MTMR14: variants seen among roughly 807,000 people sequenced by gnomAD.
The protein encoded by MTMR14 is myotubularin related protein 14.
In MTMR14, 48 loss-of-function variants were observed where a neutral mutation model predicts 86.3. The observed-to-expected ratio is 0.56, with a 90% CI of 0.44 to 0.71. The LOEUF (loss-of-function observed/expected upper bound fraction) is 0.71, where lower values mean the gene tolerates loss of function less well. Ranked by LOEUF, MTMR14 falls within the 30% of genes least tolerant of loss-of-function variation. The pLI is 0.00. For missense variants in MTMR14, 780 were observed against 834.6 expected, an observed-to-expected ratio of 0.93 and a Z score of 0.81; for synonymous variants, 366 against 326.1, an observed-to-expected ratio of 1.12 and a Z score of -1.32.
At chr3:9,671,887 C>T (rs2048583889) in intron 6 of MTMR14, among the ~76,000 whole-genome samples, 1 of 152,100 alleles carries the variant, frequency 6.6e-6, no homozygotes, top group Non-Finnish European at 1.5e-5. Flanking sequence ...GAAAATAAGG[C>T]ATACTGAGGC....
chr3:9,655,774 A>G (rs1204505116), intron 2 of MTMR14, among the ~76,000 whole-genome samples: 1 of 151,772 alleles, frequency 6.6e-6, no homozygotes, highest in Non-Finnish European at 1.5e-5. Flanking sequence ...TGATGTCTTA[A>G]ATACACTATA....
At chr3:9,673,131 T>G (rs371521782) in intron 7 of MTMR14, among the ~76,000 whole-genome samples, 296 of 152,352 alleles carry the variant, frequency 1.9e-3, no homozygotes, top group African/African-American at 6.8e-3. Flanking sequence ...ATGACATTAT[T>G]AGTACTCTGT....
At chr3:9,663,825 T>TGTTGCCAGGCTGGAGTGCAA (rs1339359410) in intron 3 of MTMR14, among the ~76,000 whole-genome samples, 1 of 145,210 alleles carries the variant, frequency 6.9e-6, no homozygotes, top group Non-Finnish European at 1.5e-5. Flanking sequence ...GAGTCTCTTC[T>TGTTGCCAGGCTGGAGTGCAA]GTTGCCAGGC....
chr3:9,697,675 C>G, intron 17 of MTMR14, 36 bp from the exon 18 acceptor site: 1 of 1,606,852 alleles, frequency 6.2e-7, no homozygotes, highest in Non-Finnish European at 8.5e-7. Flanking sequence ...ATATGACTGA[C>G]TGCATCCTCT....
chr3:9,689,936 G>C, intron 16 of MTMR14, 28 bp from the exon 17 acceptor site: 8 of 1,598,068 alleles, frequency 5.0e-6, no homozygotes, highest in Non-Finnish European at 6.8e-6. Flanking sequence ...GTGGCCCCCG[G>C]CTCACAGCCC....
chr3:9,653,534 C>T lies in MTMR14; in HGVS notation c.160-87C>T, dbSNP rs1034793352. On this transcript the variant is annotated intron_variant, in intron 1 of 18. Coordinates refer to ENST00000296003, the MANE Select transcript of MTMR14 (RefSeq NM_001077525.3). ...TTATCACCCAGGTACATGTCTTTCCCAGTGACCTCTTAGGCCATGGACCTC... is the reference window on the plus strand; with the variant it reads ...TTATCACCCAGGTACATGTCTTTCCTAGTGACCTCTTAGGCCATGGACCTC... 7 of 1,550,990 alleles carry T rather than the reference C, an allele frequency of 4.5e-6. No homozygotes were observed. In the East Asian group the frequency reaches 1.6e-4, roughly 35 times the overall value.
At chr3:9,688,635 C>T (rs2076038698) in intron 14 of MTMR14, 61 bp from the exon 15 acceptor site, 5 of 1,590,526 alleles carry the variant, frequency 3.1e-6, no homozygotes, top group Non-Finnish European at 4.3e-6. Context: ...GGATTGGGAA[C>T]GGGGGACACA....
In MTMR14 at chr3:9,677,903, C is replaced by T; in HGVS notation, c.823-81C>T. 1 of 1,295,772 alleles carries T rather than the reference C, an allele frequency of 7.7e-7. No individual in the cohort carries two copies. The highest frequency in any genetic ancestry group is 1.1e-6 in the Non-Finnish European group (1 of 905,210). 80.3% of individuals were successfully genotyped at this position (1,295,772 alleles called of 1,614,324 possible). A position where few individuals can be genotyped will look rare whatever the true frequency, so the allele number is the denominator to read the frequency against. Reference sequence around the variant, plus strand: ...CAAGCACTGCCTGTGGTAGTCACAGCCTCAGGACTGCAAGCTTCCCCATCA... The same window carrying T: ...CAAGCACTGCCTGTGGTAGTCACAGTCTCAGGACTGCAAGCTTCCCCATCA... On this transcript the variant is annotated intron_variant, in intron 8 of 18. Transcript: ENST00000296003. The surrounding 1 kb of genome is among the most constrained non-coding windows in gnomAD (Gnocchi z 4.2).
chr3:9,656,652 C>T (rs1397802629), intron 2 of MTMR14, among the ~76,000 whole-genome samples: 1 of 152,152 alleles, frequency 6.6e-6, no homozygotes, highest in African/African-American at 2.4e-5. Context: ...CTCCTGGGCT[C>T]AAACAATCCG....
intron 9 of MTMR14, among the ~76,000 whole-genome samples, chr3:9,678,516 C>T (rs987929281): frequency 1.3e-5 from 2 of 152,238 alleles, no homozygotes; most frequent in African/African-American, 2.4e-5. Flanking sequence ...TTACTGGAAA[C>T]ATCTCTCTAC....
intron 17 of MTMR14, among the ~76,000 whole-genome samples, chr3:9,692,179 G>A (rs190237231): frequency 3.3e-5 from 5 of 152,304 alleles, no homozygotes; most frequent in Non-Finnish European, 5.9e-5. Context: ...TTTTAGTGAA[G>A]CTGTCTGTGA....
chr3:9,689,190 A>T (rs778841052), intron 16 of MTMR14, 108 bp downstream of exon 16: 18 of 1,496,226 alleles, frequency 1.2e-5, no homozygotes, highest in Non-Finnish European at 1.4e-5. Flanking sequence ...CCAAGAGAAG[A>T]GCTGAGAGGA....
intron 17 of MTMR14, among the ~76,000 whole-genome samples, chr3:9,692,571 C>T (rs1310257869): frequency 6.6e-6 from 1 of 152,230 alleles, no homozygotes; most frequent in Non-Finnish European, 1.5e-5. Flanking sequence ...GGTCGCTCCA[C>T]CTTGCATGGC....
intron 7 of MTMR14, among the ~76,000 whole-genome samples, chr3:9,675,860 G>A (rs1340641403): frequency 6.6e-6 from 1 of 152,126 alleles, no homozygotes; most frequent in African/African-American, 2.4e-5. Context: ...TCTAAACCTG[G>A]GCTCATAACT....
intron 1 of MTMR14, among the ~76,000 whole-genome samples, chr3:9,652,396 G>C (rs539499935): frequency 1.2e-4 from 18 of 152,336 alleles, no homozygotes; most frequent in Admixed American, 2.0e-4. Flanking sequence ...TGTGTATAAA[G>C]AGACTTTGCA....
In MTMR14 at chr3:9,671,123, C is replaced by A. The variant is rs370526025; in HGVS notation, c.630C>A (p.Tyr210Ter). Residue 210 changes from tyrosine to a stop codon, truncating the protein, a stop_gained, in exon 6 of 19, where the codon TAC (tyrosine) becomes TAA (stop). Coordinates refer to ENST00000296003, the MANE Select transcript of MTMR14 (RefSeq NM_001077525.3). LOFTEE classifies it high-confidence loss of function. ...TGCTTCGATACCTGTCAGTCAAATA[C>A]ATCTGTGACCTGATGGTGGAGAACA... Reference protein sequence around the residue: ...IKLLRYLSVKYICDLMVENKK... With the variant: ...IKLLRYLSVK The A allele has an allele frequency of 1.2e-6, 2 of 1,614,092 alleles. No individual in the cohort carries two copies. Among genetic ancestry groups the A allele is most frequent in the Non-Finnish European group, 1.7e-6 (2 of 1,180,040 alleles).
At chr3:9,674,112 G>T (rs1179540720) in intron 7 of MTMR14, among the ~76,000 whole-genome samples, 1 of 152,182 alleles carries the variant, frequency 6.6e-6, no homozygotes, top group Non-Finnish European at 1.5e-5. Context: ...TGCTTCGGGG[G>T]TTCCACAGAC....
chr3:9,702,242 T>A lies in MTMR14; in HGVS notation c.*269T>A. ...GGATTCCCATCAACTCTCAGAACTG[T>A]GTGGGGTTTCCCTGGGGCCTTGTGG... On this transcript the variant is annotated 3_prime_UTR_variant, in exon 19 of 19. Transcript: ENST00000296003. 1 of 531,562 alleles carries A rather than the reference T, an allele frequency of 1.9e-6. No individual in the cohort carries two copies. The highest frequency in any genetic ancestry group is 3.1e-5 in the Admixed American group (1 of 32,338). 32.9% of individuals were successfully genotyped at this position (531,562 alleles called of 1,614,324 possible).
At chr3:9,674,980 G>A (rs763554529) in intron 7 of MTMR14, among the ~76,000 whole-genome samples, 5 of 152,198 alleles carry the variant, frequency 3.3e-5, no homozygotes, top group Admixed American at 6.5e-5. Flanking sequence ...GCGCGGTGGC[G>A]CATGCCTGTA....
Sources: gnomAD v4.1 joint callset for allele counts (sites outside exome capture counted in the v4.1 genomes callset) on GRCh38, gnomAD v4.1.1 for gene constraint, Gnocchi (gnomAD v3.1) non-coding constraint, MANE v1.5 for transcripts, NCBI Gene and HGNC (gene_info 2026-07-23, HGNC 2026-07-21) for gene names.